PPP1R16B: variants seen among roughly 807,000 people sequenced by gnomAD.
The protein encoded by PPP1R16B is protein phosphatase 1 regulatory inhibitor subunit 16B.
PPP1R16B carries 14 observed loss-of-function variants against 61.7 expected under a neutral mutation model. That is an observed-to-expected ratio of 0.23 (90% CI 0.15 to 0.35). The LOEUF (loss-of-function observed/expected upper bound fraction) is 0.35, where lower values mean the gene tolerates loss of function less well. Ranked by LOEUF, PPP1R16B falls within the 10% of genes least tolerant of loss-of-function variation. The probability of loss-of-function intolerance (pLI) is 1.00; values close to 1 mark genes in which losing one functional copy is unlikely to be tolerated. For missense variants in PPP1R16B, 547 were observed against 752.5 expected, an observed-to-expected ratio of 0.73 and a Z score of 3.19; for synonymous variants, 266 against 305.3, an observed-to-expected ratio of 0.87 and a Z score of 1.34.
chr20:38,876,368 C>T (rs1490027359), intron 2 of PPP1R16B, among the ~76,000 whole-genome samples: 2 of 152,102 alleles, frequency 1.3e-5, no homozygotes, highest in African/African-American at 4.8e-5. Context: ...GCTGTGTGGC[C>T]ATATGGTCTC....
intron 2 of PPP1R16B, among the ~76,000 whole-genome samples, chr20:38,856,646 T>C (rs976261386): frequency 6.6e-6 from 1 of 152,204 alleles, no homozygotes; most frequent in Non-Finnish European, 1.5e-5. Context: ...CAGATTTTTA[T>C]TGGATAACTT....
chr20:38,847,100 C>G (rs542483955), intron 2 of PPP1R16B, among the ~76,000 whole-genome samples: 1 of 152,110 alleles, frequency 6.6e-6, no homozygotes. Context: ...TTTGAGGTCT[C>G]GATATAAACC....
chr20:38,913,274 A>T (rs1280636510), intron 10 of PPP1R16B, among the ~76,000 whole-genome samples: 1 of 150,328 alleles, frequency 6.7e-6, no homozygotes, highest in Non-Finnish European at 1.5e-5. Context: ...TTTTTTTTTA[A>T]TTTTTTTTAG....
At chr20:38,862,334 C>T (rs541742702) in intron 2 of PPP1R16B, among the ~76,000 whole-genome samples, 10 of 152,144 alleles carry the variant, frequency 6.6e-5, no homozygotes, top group South Asian at 4.2e-4. Context: ...AACTATAAGG[C>T]GGAGGATACT....
At chr20:38,908,981 C>G (rs1028083557) in intron 10 of PPP1R16B, among the ~76,000 whole-genome samples, 1 of 151,588 alleles carries the variant, frequency 6.6e-6, no homozygotes, top group African/African-American at 2.4e-5. Context: ...GTGTGTGTGT[C>G]TGTTTTCTTT....
intron 1 of PPP1R16B, among the ~76,000 whole-genome samples, chr20:38,812,179 C>T (rs1423028121): frequency 6.6e-6 from 1 of 152,166 alleles, no homozygotes; most frequent in African/African-American, 2.4e-5. Context: ...CAAGCAGGTG[C>T]TTGGGGGCCC....
At chr20:38,913,515 C>T (rs1194344862) in intron 10 of PPP1R16B, among the ~76,000 whole-genome samples, 2 of 152,240 alleles carry the variant, frequency 1.3e-5, no homozygotes, top group African/African-American at 2.4e-5. Flanking sequence ...CCCGCCTCGA[C>T]CTCCCAAAGT....
chr20:38,841,590 T>A (rs563895317), intron 2 of PPP1R16B, among the ~76,000 whole-genome samples: 1 of 152,280 alleles, frequency 6.6e-6, no homozygotes, highest in Admixed American at 6.5e-5. Context: ...TTGCAGTGAC[T>A]CCTGGTTCCC....
chr20:38,835,950 A>G lies in PPP1R16B; in HGVS notation c.25A>G (p.Thr9Ala), dbSNP rs1194530537. The G allele has an allele frequency of 1.9e-6, 3 of 1,544,490 alleles. No homozygotes were observed. The highest frequency in any genetic ancestry group is 2.6e-6 in the Non-Finnish European group (3 of 1,146,384). The change falls in exon 2 of 11, where the codon ACG (threonine) becomes GCG (alanine). Residue 9 changes from threonine to alanine, a missense_variant. Coordinates refer to ENST00000299824, the MANE Select transcript of PPP1R16B (RefSeq NM_015568.4). ...CATGGCCAGTCACGTGGACCTGCTG[A>G]CGGAGCTGCAGCTGCTGGAGAAGGT... MASHVDLLTELQLLEKVPT... is the reference protein window; with the variant it reads MASHVDLLAELQLLEKVPT...
At chr20:38,830,631 G>A (rs1177360219) in intron 1 of PPP1R16B, among the ~76,000 whole-genome samples, 1 of 152,216 alleles carries the variant, frequency 6.6e-6, no homozygotes, top group African/African-American at 2.4e-5. Context: ...TGTTTTGAAG[G>A]AGGATTGGCA....
chr20:38,845,104 C>T (rs1041625671), intron 2 of PPP1R16B, among the ~76,000 whole-genome samples: 19 of 152,012 alleles, frequency 1.2e-4, no homozygotes, highest in Non-Finnish European at 2.6e-4. Context: ...CTGGTGCTTT[C>T]GGTGACAAAC....
At chr20:38,905,863 T>C (rs1033800001) in intron 6 of PPP1R16B, 106 bp from the exon 7 acceptor site, 1 of 1,176,754 alleles carries the variant, frequency 8.5e-7, no homozygotes, top group Non-Finnish European at 1.2e-6. Context: ...TATTCCATTC[T>C]ACTGGCCCCA....
intron 2 of PPP1R16B, among the ~76,000 whole-genome samples, chr20:38,855,382 A>G (rs947910773): frequency 1.3e-5 from 2 of 151,568 alleles, no homozygotes; most frequent in East Asian, 1.9e-4. Context: ...AAACCCTAGG[A>G]TACTTCGCAA....
chr20:38,862,353 C>T (rs1331176466), intron 2 of PPP1R16B, among the ~76,000 whole-genome samples: 1 of 152,166 alleles, frequency 6.6e-6, no homozygotes, highest in Non-Finnish European at 1.5e-5. Flanking sequence ...CTATTATACA[C>T]CCATTTTATG....
chr20:38,867,584 C>G (rs1021512754), intron 2 of PPP1R16B, among the ~76,000 whole-genome samples: 2 of 152,210 alleles, frequency 1.3e-5, no homozygotes, highest in African/African-American at 4.8e-5. Context: ...CAGTGCCTGG[C>G]ACAGAGGAAT....
intron 1 of PPP1R16B, among the ~76,000 whole-genome samples, chr20:38,810,028 C>T (rs553134356): frequency 2.2e-4 from 29 of 130,372 alleles, no homozygotes; most frequent in Middle Eastern, 4.3e-3. Context: ...AACTTAAAAA[C>T]CCAGCTTGGG....
At position 38,907,819 on chromosome 20, in the gene PPP1R16B, G is replaced by A. The variant is rs775136635; in HGVS notation, c.912G>A (p.Glu304=). The A allele has an allele frequency of 2.5e-6, 4 of 1,614,060 alleles. No homozygotes were observed. The highest frequency in any genetic ancestry group is 2.5e-6 in the Non-Finnish European group (3 of 1,180,042). The stretch of plus-strand genomic sequence containing the variant: ...CTGCCCCTTCAGACCTGTGCGAGGA[G>A]GAAGAGTTCAAGGTCCTGCTGCTGG... The part of the protein sequence containing the change: ...MDEMPIDLCE[E]EEFKVLLLEL... The change falls in exon 9 of 11, where the codon GAG becomes GAA. Residue 304 remains glutamate, a synonymous_variant. Transcript: ENST00000299824. The surrounding 1 kb of genome is among the most constrained non-coding windows in gnomAD (Gnocchi z 4.5).
chr20:38,843,156 A>G (rs976361939), intron 2 of PPP1R16B, among the ~76,000 whole-genome samples: 3 of 152,210 alleles, frequency 2.0e-5, no homozygotes, highest in Admixed American at 6.5e-5. Flanking sequence ...ATCTACCCAT[A>G]TTTACTGTAT....
chr20:38,809,937 C>T (rs6093085), intron 1 of PPP1R16B, among the ~76,000 whole-genome samples: 4 of 129,466 alleles, frequency 3.1e-5, no homozygotes, highest in Non-Finnish European at 6.2e-5. Context: ...GCCATGATTG[C>T]GTGCACCTCT....
Sources: allele counts gnomAD v4.1 joint callset (sites outside exome capture counted in the v4.1 genomes callset), GRCh38; gene constraint gnomAD v4.1.1; non-coding constraint Gnocchi (gnomAD v3.1); transcripts MANE v1.5; gene names NCBI Gene and HGNC (gene_info 2026-07-23, HGNC 2026-07-21).